Variants in ABI3BP observed in about 807,000 individuals in gnomAD.
The protein encoded by ABI3BP is target of Nesh-SH3.
In ABI3BP, 216 loss-of-function variants were observed where a neutral mutation model predicts 268.6. The observed-to-expected ratio is 0.80, with a 90% confidence interval of 0.72 to 0.90. The LOEUF (loss-of-function observed/expected upper bound fraction) is 0.90. ABI3BP is among the 40% of genes least tolerant of loss of function. The pLI is 0.00. For missense variants in ABI3BP, 2,090 were observed against 2,182.4 expected, an observed-to-expected ratio of 0.96 and a Z score of 0.84; for synonymous variants, 730 against 730.0, an observed-to-expected ratio of 1.00 and a Z score of 0.00.
chr3:100,872,112 G>A (rs1380178253), intron 9 of ABI3BP, among the ~76,000 whole-genome samples: 1 of 152,114 alleles, frequency 6.6e-6, no homozygotes, highest in Non-Finnish European at 1.5e-5. Context: ...CCAAAGTGCT[G>A]GGGTTACAGG....
intron 20 of ABI3BP, chr3:100,843,604 G>A: frequency 6.1e-6 from 6 of 983,950 alleles, no homozygotes; most frequent in Non-Finnish European, 7.2e-6. Flanking sequence ...GAGATGGAGA[G>A]AGAGAGGAGA....
intron 33 of ABI3BP, among the ~76,000 whole-genome samples, 196 bp downstream of exon 33, chr3:100,829,385 T>C (rs906738950): frequency 6.6e-6 from 1 of 152,188 alleles, no homozygotes; most frequent in Non-Finnish European, 1.5e-5. Context: ...ATGAAGAGAA[T>C]TGAATGAGAA....
rs1225763906 is a variant in ABI3BP, at chr3:100,825,779, C to T, written c.2662+6G>A. The T allele has an allele frequency of 1.1e-5, 17 of 1,533,628 alleles. No homozygotes were observed. The South Asian group carries it at 1.2e-4, about 11-fold the overall frequency. On this transcript the variant is annotated splice_donor_region_variant and intron_variant, in intron 35 of 67. Transcript: ENST00000471714. Reference sequence around the variant, plus strand: ...GCAAACAGCCAGGTAATTGTAGGGTCGTTACCTAAGGTTGTTGCAGGGATC... The same window carrying T: ...GCAAACAGCCAGGTAATTGTAGGGTTGTTACCTAAGGTTGTTGCAGGGATC...
In ABI3BP at chr3:100,810,309, G is replaced by A. The variant is rs2097827262; in HGVS notation, c.3607+103C>T. ...CAGGTAGGATTACCCATCAAAGTCT[G>A]TGGGCAGAATGATGAAGTCAGGGCC... is the stretch of plus-strand genomic sequence containing the variant. On this transcript the variant is annotated intron_variant, in intron 49 of 67. Coordinates refer to ENST00000471714, the MANE Select transcript of ABI3BP (RefSeq NM_001375547.2). 3.1e-6 allele frequency: 3 copies of A among 956,464 alleles called. No homozygotes were observed. In the Admixed American group the frequency reaches 6.7e-5, roughly 21 times the overall value. 59.2% of individuals were successfully genotyped at this position (956,464 alleles called of 1,614,324 possible). A position where few individuals can be genotyped will look rare whatever the true frequency, so the allele number is the denominator to read the frequency against.
At chr3:100,885,462 TATA>T in intron 6 of ABI3BP, 71 bp downstream of exon 6, 1 of 832,674 alleles carries the variant, frequency 1.2e-6, no homozygotes. Context: ...TTCAGTATCT[TATA>T]ATAAGACTAT....
rs1560681726 is a variant in ABI3BP at position 100,841,220 on chromosome 3, T to TTTTTTTTTTTTTTTTTTTGTTTTTTTG, written c.1766-363_1766-362insCAAAAAAACAAAAAAAAAAAAAAAAAA. Among the ~76,000 whole-genome samples the TTTTTTTTTTTTTTTTTTTGTTTTTTTG allele has an allele frequency of 4.1e-4, 49 of 119,584 alleles. 2 individuals carry two copies. Among genetic ancestry groups the TTTTTTTTTTTTTTTTTTTGTTTTTTTG allele is most frequent in the East Asian group, 1.0e-3 (4 of 3,822 alleles). 78.5% of individuals were successfully genotyped at this position (119,584 alleles called of 152,430 possible). A position where few individuals can be genotyped will look rare whatever the true frequency, so the allele number is the denominator to read the frequency against. On this transcript the variant is annotated intron_variant, in intron 21 of 67. Transcript: ENST00000471714. Reference sequence around the variant, plus strand: ...TTTTTTTTTTTTTTTTTTTTTTTTTTTTTTTTTGCTCTTTTGAAGAAAAAG... The same window carrying TTTTTTTTTTTTTTTTTTTGTTTTTTTG: ...TTTTTTTTTTTTTTTTTTTTTTTTTTTTTTTTTTTTTTTTTTTTGTTTTTTTGTTTTTTTGCTCTTTTGAAGAAAAAG...
At chr3:100,958,792 A>C (rs2077738693) in intron 1 of ABI3BP, among the ~76,000 whole-genome samples, 1 of 152,238 alleles carries the variant, frequency 6.6e-6, no homozygotes, top group South Asian at 2.1e-4. Context: ...GAATTCCTAA[A>C]AGCCTGGAAA....
At chr3:100,816,599 C>T (rs768806409) in intron 43 of ABI3BP, 89 bp downstream of exon 43, 13 of 1,025,178 alleles carry the variant, frequency 1.3e-5, no homozygotes, top group East Asian at 2.6e-5. Context: ...TGTTACTTCC[C>T]GTCATAGGCA....
At chr3:100,944,378 A>G (rs564962207) in intron 1 of ABI3BP, among the ~76,000 whole-genome samples, 1 of 152,122 alleles carries the variant, frequency 6.6e-6, no homozygotes, top group Non-Finnish European at 1.5e-5. Context: ...TTGGGCACTC[A>G]TTAAATTCCA....
chr3:100,911,705 C>T, intron 2 of ABI3BP: 1 of 779,862 alleles, frequency 1.3e-6, no homozygotes, highest in Non-Finnish European at 2.4e-6. Flanking sequence ...CTAAAGGTAC[C>T]CTGTGAAAAA....
intron 1 of ABI3BP, among the ~76,000 whole-genome samples, chr3:100,954,036 G>C (rs967531807): frequency 1.3e-5 from 2 of 152,086 alleles, no homozygotes; most frequent in Non-Finnish European, 2.9e-5. Context: ...CCAAACACTA[G>C]TACGTGTAAC....
chr3:100,981,318 G>T, intron 1 of ABI3BP, among the ~76,000 whole-genome samples: 1 of 152,174 alleles, frequency 6.6e-6, no homozygotes. Context: ...GGAGTCAGCT[G>T]TGAGGCAAGG....
chr3:100,975,634 G>A (rs947714087), intron 1 of ABI3BP, among the ~76,000 whole-genome samples: 1 of 152,048 alleles, frequency 6.6e-6, no homozygotes, highest in Non-Finnish European at 1.5e-5. Context: ...TGTACTGAGG[G>A]TGAATAAAGG....
At chr3:100,790,678 A>C (rs1179212165) in intron 55 of ABI3BP, among the ~76,000 whole-genome samples, 2 of 151,886 alleles carry the variant, frequency 1.3e-5, no homozygotes, top group Non-Finnish European at 2.9e-5. Context: ...ATTAATTCTC[A>C]CAGACCCTAA....
intron 14 of ABI3BP, among the ~76,000 whole-genome samples, chr3:100,861,905 C>A (rs72926245): frequency 0.044 from 6,632 of 152,216 alleles, 507 homozygotes; most frequent in African/African-American, 0.15. Flanking sequence ...ATAGTAAGCT[C>A]TTAAATGTTT....
At position 100,841,985 on chromosome 3, in the gene ABI3BP, A is replaced by C; in HGVS notation, c.1765+13T>G. On this transcript the variant is annotated intron_variant, in intron 21 of 67. Coordinates refer to ENST00000471714, the MANE Select transcript of ABI3BP (RefSeq NM_001375547.2). Reference sequence around the variant, plus strand: ...GATACTTTGTTTTCACTCATTAAAAAAAGCTTTATTACCTATTGTTGACTG... The same window carrying C: ...GATACTTTGTTTTCACTCATTAAAACAAGCTTTATTACCTATTGTTGACTG... 1 of 1,527,364 alleles carries C rather than the reference A, an allele frequency of 6.5e-7. No individual in the cohort carries two copies. Among genetic ancestry groups the C allele is most frequent in the Non-Finnish European group, 8.8e-7 (1 of 1,139,178 alleles). 94.6% of individuals were successfully genotyped at this position (1,527,364 alleles called of 1,614,324 possible).
chr3:100,796,639 A>AC (rs2097354078), intron 51 of ABI3BP, among the ~76,000 whole-genome samples, 171 bp from the exon 52 acceptor site: 1 of 152,098 alleles, frequency 6.6e-6, no homozygotes. Flanking sequence ...GAAAAATGTT[A>AC]CCGTGCAGGG....
At chr3:100,750,729 T>G (rs115637356) in intron 67 of ABI3BP, 119 bp from the exon 68 acceptor site, 1 of 673,060 alleles carries the variant, frequency 1.5e-6, no homozygotes, top group East Asian at 2.8e-5. Context: ...GCGAGGTAAT[T>G]TAGAAAACTG....
chr3:100,792,825 CA>C, intron 54 of ABI3BP, 57 bp from the exon 55 acceptor site: 8 of 1,415,846 alleles, frequency 5.7e-6, no homozygotes, highest in South Asian at 1.2e-5. Context: ...TGAATATGAC[CA>C]AAAAAACCCA....
Sources: gnomAD v4.1 joint callset for allele counts (sites outside exome capture counted in the v4.1 genomes callset) on GRCh38, gnomAD v4.1.1 for gene constraint, MANE v1.5 for transcripts, NCBI Gene and HGNC (gene_info 2026-07-23, HGNC 2026-07-21) for gene names.